ARHGAP26: variants seen among roughly 807,000 people sequenced by gnomAD.
The protein encoded by ARHGAP26 is Rho GTPase activating protein 26, also known as rho GTPase-activating protein 26.
Under a neutral mutation model 104.8 loss-of-function variants are expected in ARHGAP26, and 38 were observed. The observed-to-expected ratio is 0.36, with a 90% CI of 0.28 to 0.48. The LOEUF (loss-of-function observed/expected upper bound fraction) is 0.48. Ranked by LOEUF, ARHGAP26 falls within the 20% of genes least tolerant of loss-of-function variation. The pLI is 0.99. For missense variants in ARHGAP26, 704 were observed against 947.9 expected, an observed-to-expected ratio of 0.74 and a Z score of 3.38; for synonymous variants, 341 against 340.0, an observed-to-expected ratio of 1.00 and a Z score of -0.03.
At chr5:143,162,850 A>G (rs1470252809) in intron 20 of ARHGAP26, among the ~76,000 whole-genome samples, 2 of 152,184 alleles carry the variant, frequency 1.3e-5, no homozygotes, top group Non-Finnish European at 2.9e-5. Flanking sequence ...TTAAGACACT[A>G]TTCCAGGGTA....
intron 8 of ARHGAP26, among the ~76,000 whole-genome samples, chr5:142,903,950 C>G (rs1760728950): frequency 6.6e-6 from 1 of 152,046 alleles, no homozygotes; most frequent in Non-Finnish European, 1.5e-5. Context: ...TTCCTGTACC[C>G]CTAGTCCAGC....
At chr5:142,782,311 G>A (rs1757675515) in intron 1 of ARHGAP26, among the ~76,000 whole-genome samples, 1 of 152,190 alleles carries the variant, frequency 6.6e-6, no homozygotes, top group African/African-American at 2.4e-5. Context: ...GAGGGCTACA[G>A]GTATAGGTTT....
intron 1 of ARHGAP26, among the ~76,000 whole-genome samples, chr5:142,863,198 C>T (rs1383476801): frequency 6.6e-6 from 1 of 151,912 alleles, no homozygotes; most frequent in Non-Finnish European, 1.5e-5. Context: ...GCAAGCCCCG[C>T]CTCCTGGGTT....
chr5:143,153,807 C>T (rs1800133776), intron 20 of ARHGAP26, among the ~76,000 whole-genome samples: 1 of 152,114 alleles, frequency 6.6e-6, no homozygotes. Context: ...CATGCATTTC[C>T]AAGTTATTTC....
intron 1 of ARHGAP26, among the ~76,000 whole-genome samples, chr5:142,821,359 G>A (rs1766150473): frequency 1.4e-5 from 2 of 146,758 alleles, no homozygotes; most frequent in Admixed American, 6.9e-5. Context: ...GCCTTACAGA[G>A]GTGGGAGGTT....
chr5:142,805,250 G>C (rs1332583798), intron 1 of ARHGAP26, among the ~76,000 whole-genome samples: 1 of 151,854 alleles, frequency 6.6e-6, no homozygotes, highest in Non-Finnish European at 1.5e-5. Flanking sequence ...TTACAAGCAT[G>C]TGCCACCACA....
rs746732383 is a variant in ARHGAP26, at chr5:142,913,185, T to C, written c.934-14T>C. On this transcript the variant is annotated splice_polypyrimidine_tract_variant and intron_variant, in intron 9 of 22. Coordinates refer to ENST00000645722, the MANE Select transcript of ARHGAP26 (RefSeq NM_001135608.3). ...ATTCTGGCCTCATCTTGATAGTCTGTGTGTTCCCACTAGGGAGAAGATGAA... is the reference window on the plus strand; with the variant it reads ...ATTCTGGCCTCATCTTGATAGTCTGCGTGTTCCCACTAGGGAGAAGATGAA... 4 of 1,611,506 alleles carry C rather than the reference T, an allele frequency of 2.5e-6. No homozygotes were observed. The highest frequency in any genetic ancestry group is 2.2e-5 in the South Asian group (2 of 91,028).
intron 1 of ARHGAP26, among the ~76,000 whole-genome samples, chr5:142,869,822 A>T (rs560285749): frequency 2.6e-5 from 4 of 152,298 alleles, no homozygotes; most frequent in African/African-American, 9.6e-5. Flanking sequence ...GCAGATTAAT[A>T]TCTGCTGGCA....
intron 11 of ARHGAP26, among the ~76,000 whole-genome samples, chr5:142,985,505 T>C (rs1774568344): frequency 1.3e-5 from 2 of 152,078 alleles, no homozygotes; most frequent in Non-Finnish European, 2.9e-5. Flanking sequence ...GGAATACCAC[T>C]TTTTATCTTT....
chr5:142,833,979 A>G (rs1182364626), intron 1 of ARHGAP26, among the ~76,000 whole-genome samples: 3 of 152,212 alleles, frequency 2.0e-5, no homozygotes, highest in Non-Finnish European at 4.4e-5. Context: ...AGAAAGAAAC[A>G]TACTCATATT....
intron 10 of ARHGAP26, chr5:142,919,335 C>A (rs1007652190): frequency 3.5e-5 from 14 of 398,530 alleles, no homozygotes; most frequent in African/African-American, 2.7e-4. Context: ...GCACCAGAAG[C>A]TAGAGGAGAG....
intron 17 of ARHGAP26, among the ~76,000 whole-genome samples, chr5:143,102,267 C>T (rs1024630130): frequency 6.6e-6 from 1 of 152,136 alleles, no homozygotes; most frequent in Non-Finnish European, 1.5e-5. Context: ...GCCTGGGGCT[C>T]CCTCCTGATA....
chr5:143,128,192 A>G (rs1796930727), intron 18 of ARHGAP26, among the ~76,000 whole-genome samples: 1 of 152,204 alleles, frequency 6.6e-6, no homozygotes, highest in Non-Finnish European at 1.5e-5. Flanking sequence ...TTGAACACAT[A>G]TATTCCCCCC....
At chr5:143,219,940 C>T (rs548240373) in intron 22 of ARHGAP26, among the ~76,000 whole-genome samples, 1 of 152,358 alleles carries the variant, frequency 6.6e-6, no homozygotes, top group African/African-American at 2.4e-5. Flanking sequence ...GTGTTATCTC[C>T]TGCCATCTCC....
At chr5:142,921,780 C>T (rs1763225292) in intron 10 of ARHGAP26, 2 of 152,920 alleles carry the variant, frequency 1.3e-5, no homozygotes, top group South Asian at 2.1e-4. Context: ...GGTGAATTAT[C>T]ACTACATTGC....
At chr5:142,911,385 C>T (rs1201799923) in intron 9 of ARHGAP26, among the ~76,000 whole-genome samples, 1 of 152,144 alleles carries the variant, frequency 6.6e-6, no homozygotes, top group Non-Finnish European at 1.5e-5. Context: ...GACCCCAGGG[C>T]CTGTCCACCT....
chr5:143,219,197 AC>A (rs1395144144), intron 22 of ARHGAP26, among the ~76,000 whole-genome samples: 1 of 152,230 alleles, frequency 6.6e-6, no homozygotes, highest in Admixed American at 6.5e-5. Flanking sequence ...CAGTATTATG[AC>A]CATGCACAAA....
intron 17 of ARHGAP26, among the ~76,000 whole-genome samples, chr5:143,118,816 C>G (rs1379955943): frequency 6.6e-6 from 1 of 151,718 alleles, no homozygotes; most frequent in Admixed American, 6.6e-5. Context: ...GGAGGGATAG[C>G]ATTAGGAGAT....
At chr5:142,890,136 T>TAAAAAAAAAAAAAA (rs1162535877) in intron 5 of ARHGAP26, among the ~76,000 whole-genome samples, 8 of 29,206 alleles carry the variant, frequency 2.7e-4, no homozygotes, top group African/African-American at 8.9e-4. Flanking sequence ...AACTCCGTCT[T>TAAAAAAAAAAAAAA]AAAAAAAAAA....
Sources: gnomAD v4.1 joint callset for allele counts (sites outside exome capture counted in the v4.1 genomes callset) on GRCh38, gnomAD v4.1.1 for gene constraint, MANE v1.5 for transcripts, NCBI Gene and HGNC (gene_info 2026-07-23, HGNC 2026-07-21) for gene names.